GFER: variants seen among roughly 807,000 people sequenced by gnomAD.
The protein encoded by GFER is FAD-linked sulfhydryl oxidase ALR.
A neutral mutation model predicts 18.2 loss-of-function variants in GFER; 24 were observed. The observed-to-expected ratio is 1.32, with a 90% CI of 0.96 to 1.86. GFER has a LOEUF of 1.86. GFER is among the 40% of genes most tolerant of loss of function. The pLI, the probability that GFER is intolerant of heterozygous loss-of-function variation, is 0.00. For missense variants in GFER, 316 were observed against 295.6 expected (o/e 1.07, Z -0.51); for synonymous variants, 138 against 126.9 (o/e 1.09, Z -0.59).
At chr16:1,984,517 C>G in intron 1 of GFER, 41 bp downstream of exon 1, 1 of 1,541,100 alleles carries the variant, frequency 6.5e-7, no homozygotes, top group Non-Finnish European at 8.7e-7. Context: ...CCGCGCAGCC[C>G]CTGTCCCCGC....
intron 1 of GFER, 37 bp downstream of exon 1, chr16:1,984,513 A>T (rs2083551637): frequency 6.5e-7 from 1 of 1,545,680 alleles, no homozygotes; most frequent in Non-Finnish European, 8.7e-7. Flanking sequence ...AGCCCCGCGC[A>T]GCCCCTGTCC....
chr16:1,985,717 G>A, intron 2 of GFER, 149 bp from the exon 3 acceptor site: 1 of 799,592 alleles, frequency 1.3e-6, no homozygotes, highest in Non-Finnish European at 2.2e-6. Flanking sequence ...GCCCTGTTCT[G>A]GGAGTGCCTG....
intron 1 of GFER, 29 bp downstream of exon 1, chr16:1,984,505 C>A (rs1370123798): frequency 2.1e-5 from 33 of 1,548,350 alleles, no homozygotes; most frequent in Non-Finnish European, 2.9e-5. Flanking sequence ...TTTCTCCCAG[C>A]CCCGCGCAGC....
At chr16:1,985,844 T>G (rs770615093) in intron 2 of GFER, 22 bp from the exon 3 acceptor site, 1 of 1,608,498 alleles carries the variant, frequency 6.2e-7, no homozygotes, top group East Asian at 2.2e-5. Flanking sequence ...CCTCTCATTC[T>G]TTACCTGCTC....
In GFER at chr16:1,986,430, A is replaced by G. The variant is rs566067616; in HGVS notation, c.*402A>G. The G allele has an allele frequency of 5.7e-6, 2 of 350,498 alleles. No homozygotes were observed. Among genetic ancestry groups the G allele is most frequent in the African/African-American group, 2.1e-5 (1 of 46,852 alleles). The allele number at this position is 350,498 out of a possible 1,614,324, so 21.7% of individuals were successfully genotyped here. A position where few individuals can be genotyped will look rare whatever the true frequency, so the allele number is the denominator to read the frequency against. ...GCGGCCAGGCCATTGCCTTCCCACT[A>G]TGCAGCCAGGGATGCCCCTGCCCCC... On this transcript the variant is annotated 3_prime_UTR_variant, in exon 3 of 3. Coordinates refer to ENST00000248114, the MANE Select transcript of GFER (RefSeq NM_005262.3).
Position 1,984,476 on chromosome 16 carries a change from G to A in GFER, c.258G>A (p.Lys86=). Residue 86 remains lysine, a splice_region_variant and synonymous_variant, in exon 1 of 3, where the codon AAG becomes AAA. Transcript: ENST00000248114. ...AGACGTGGATGCGGACGCAGCAGAAGGTGCAGTTCCCTGCCCGATTTCTCC... is the reference window on the plus strand; with the variant it reads ...AGACGTGGATGCGGACGCAGCAGAAAGTGCAGTTCCCTGCCCGATTTCTCC... ...DFKTWMRTQQ[K]RDTKFREDCP... is the part of the protein sequence containing the mutation. The A allele has an allele frequency of 6.4e-7, 1 of 1,558,602 alleles. No homozygotes were observed. Among genetic ancestry groups the A allele is most frequent in the Non-Finnish European group, 8.6e-7 (1 of 1,156,216 alleles).
In GFER at chr16:1,984,353, C is replaced by T. The variant is rs2083549564; in HGVS notation, c.135C>T (p.Ala45=). The part of the protein sequence containing the change: ...RGRGAGRRDA[A]ASASTPAQAP... ...GGGGCGCGGGGCGGAGAGACGCGGC[C>T]GCCTCGGCCTCGACGCCAGCCCAGG... Residue 45 remains alanine, a synonymous_variant, in exon 1 of 3, where the codon GCC becomes GCT. Transcript: ENST00000248114. The T allele has an allele frequency of 3.3e-6, 5 of 1,510,508 alleles. No homozygotes were observed. Among genetic ancestry groups the T allele is most frequent in the Non-Finnish European group, 4.4e-6 (5 of 1,136,056 alleles). The allele number at this position is 1,510,508 out of a possible 1,614,324, so 93.6% of individuals were successfully genotyped here.
Position 1,984,631 on chromosome 16 carries a change from TC to T in GFER, c.259-115del. ...AGCCTTCATCCGCGCGTGGGTTGGA[TC>T]GTCTGCAGGACTTTGGCCGGAGTCC... On this transcript the variant is annotated intron_variant, in intron 1 of 2. Coordinates refer to ENST00000248114, the MANE Select transcript of GFER (RefSeq NM_005262.3). The T allele has an allele frequency of 2.2e-6, 3 of 1,363,254 alleles. No individual in the cohort carries two copies. In the South Asian group the frequency reaches 3.5e-5, roughly 16 times the overall value. 84.4% of individuals were successfully genotyped at this position (1,363,254 alleles called of 1,614,324 possible).
In GFER at chr16:1,984,251, C is replaced by T; in HGVS notation, c.33C>T (p.His11=). The change falls in exon 1 of 3, where the codon CAC becomes CAT. Residue 11 remains histidine, a synonymous_variant. Coordinates refer to ENST00000248114, the MANE Select transcript of GFER (RefSeq NM_005262.3). ...CGCCCGGCGAGCGGGGCCGCTTCCA[C>T]GGCGGGAACCTCTTCTTCCTGCCGG... MAAPGERGRF[H]GGNLFFLPGG... 6.8e-7 allele frequency: 1 copy of T among 1,475,762 alleles called. No individual in the cohort carries two copies. The highest frequency in any genetic ancestry group is 8.9e-7 in the Non-Finnish European group (1 of 1,120,520). The allele number at this position is 1,475,762 out of a possible 1,614,324, so 91.4% of individuals were successfully genotyped here. A position where few individuals can be genotyped will look rare whatever the true frequency, so the allele number is the denominator to read the frequency against.
Position 1,984,911 on chromosome 16 carries a change from C to G in GFER, c.423C>G (p.Pro141=). 6.2e-7 allele frequency: 1 copy of G among 1,613,612 alleles called. No homozygotes were observed. Among genetic ancestry groups the G allele is most frequent in the Non-Finnish European group, 8.5e-7 (1 of 1,179,860 alleles). ...TACATTTATTTTCTAAGTTTTACCC[C>G]TGTGAGGAGTGTGCTGAAGACCTAA... The part of the protein sequence containing the change: ...QFIHLFSKFY[P]CEECAEDLRK... Residue 141 remains proline, a synonymous_variant, in exon 2 of 3, where the codon CCC becomes CCG. Coordinates refer to ENST00000248114, the MANE Select transcript of GFER (RefSeq NM_005262.3).
rs1204786235 is a variant in GFER at position 1,984,254 on chromosome 16, CG to C, written c.39del (p.Asn14ThrfsTer13). 1 of 1,479,178 alleles carries C rather than the reference CG, an allele frequency of 6.8e-7. No homozygotes were observed. The highest frequency in any genetic ancestry group is 8.9e-7 in the Non-Finnish European group (1 of 1,122,432). 91.6% of individuals were successfully genotyped at this position (1,479,178 alleles called of 1,614,324 possible). Reference protein sequence around the residue: ...APGERGRFHGGNLFFLPGGAR... With the variant: ...APGERGRFHGXNLFFLPGGAR... ...CCGGCGAGCGGGGCCGCTTCCACGGCGGGAACCTCTTCTTCCTGCCGGGGGG... is the reference window on the plus strand; with the variant it reads ...CCGGCGAGCGGGGCCGCTTCCACGGCGGAACCTCTTCTTCCTGCCGGGGGG... On this transcript the variant is annotated frameshift_variant, in exon 1 of 3. Transcript: ENST00000248114. LOFTEE classifies it high-confidence loss of function.
In GFER at chr16:1,985,911, A is replaced by C; in HGVS notation, c.501A>C (p.Thr167=). The C allele has an allele frequency of 6.2e-7, 1 of 1,613,038 alleles. No homozygotes were observed. The highest frequency in any genetic ancestry group is 8.5e-7 in the Non-Finnish European group (1 of 1,179,988). ...HPDTRTRACF[T]QWLCHLHNEV... The stretch of plus-strand genomic sequence containing the variant: ...ACACCCGCACCCGGGCATGCTTCAC[A>C]CAGTGGCTGTGCCACCTGCACAATG... Residue 167 remains threonine, a synonymous_variant, in exon 3 of 3, where the codon ACA becomes ACC. Transcript: ENST00000248114.
Position 1,987,344 on chromosome 16 carries a change from T to C in GFER, c.*1316T>C, listed in dbSNP as rs1196430669. On this transcript the variant is annotated 3_prime_UTR_variant, in exon 3 of 3. Coordinates refer to ENST00000248114, the MANE Select transcript of GFER (RefSeq NM_005262.3). ...TCCAGGGACCTCTATCCTCCAGGAG[T>C]CTCAGCCTTTCCCTGGGCGCAGGCC... is the stretch of plus-strand genomic sequence containing the variant. 6.6e-6 allele frequency: 1 copy of C among 152,204 alleles called. No homozygotes were observed. Among genetic ancestry groups the C allele is most frequent in the African/African-American group, 2.4e-5 (1 of 41,366 alleles). The allele number at this position is 152,204 out of a possible 1,614,324, so 9.4% of individuals were successfully genotyped here.
rs2083573433 is a variant in GFER, at chr16:1,987,561, G to C, written c.*1533G>C. 1 of 152,164 alleles carries C rather than the reference G, an allele frequency of 6.6e-6. No homozygotes were observed. The highest frequency in any genetic ancestry group is 1.9e-4 in the East Asian group (1 of 5,188). The allele number at this position is 152,164 out of a possible 1,614,324, so 9.4% of individuals were successfully genotyped here. A position where few individuals can be genotyped will look rare whatever the true frequency, so the allele number is the denominator to read the frequency against. On this transcript the variant is annotated 3_prime_UTR_variant, in exon 3 of 3. Coordinates refer to ENST00000248114, the MANE Select transcript of GFER (RefSeq NM_005262.3). ...GCCCAGACACAGCGCGCTTCTCTCT[G>C]GCCTTTCCCGAGGCCTGTGAGTGCC... is the stretch of plus-strand genomic sequence containing the variant.
rs2083566800 is a variant in GFER, at chr16:1,986,194, A to G, written c.*166A>G. 2.7e-6 allele frequency: 2 copies of G among 729,978 alleles called. No homozygotes were observed. The highest frequency in any genetic ancestry group is 5.5e-5 in the East Asian group (2 of 36,674). The allele number at this position is 729,978 out of a possible 1,614,324, so 45.2% of individuals were successfully genotyped here. ...CTGCCCCTCTTAGGTTTGGAGCAGA[A>G]GTGGAGGTGCCCACAGCAGGTACCC... On this transcript the variant is annotated 3_prime_UTR_variant, in exon 3 of 3. Coordinates refer to ENST00000248114, the MANE Select transcript of GFER (RefSeq NM_005262.3).
chr16:1,984,719 C>T (rs770846566), intron 1 of GFER, 28 bp from the exon 2 acceptor site: 12 of 1,586,488 alleles, frequency 7.6e-6, no homozygotes, highest in Non-Finnish European at 1.0e-5. Context: ...GGAGAATGAA[C>T]TCACTCTCGG....
rs2083567487 is a variant in GFER, at chr16:1,986,334, C to T, written c.*306C>T. On this transcript the variant is annotated 3_prime_UTR_variant, in exon 3 of 3. Coordinates refer to ENST00000248114, the MANE Select transcript of GFER (RefSeq NM_005262.3). ...TCAGGATGTAGCTTCCTGCCCACCGCATACCCTGGCGCCTCACTCCTCACA... is the reference window on the plus strand; with the variant it reads ...TCAGGATGTAGCTTCCTGCCCACCGTATACCCTGGCGCCTCACTCCTCACA... The T allele has an allele frequency of 9.5e-6, 4 of 420,624 alleles. No individual in the cohort carries two copies. In the East Asian group the frequency reaches 2.0e-4, roughly 21 times the overall value. 26.1% of individuals were successfully genotyped at this position (420,624 alleles called of 1,614,324 possible).
At position 1,984,957 on chromosome 16, in the gene GFER, G is replaced by C; in HGVS notation, c.455+14G>C. 1.9e-6 allele frequency: 3 copies of C among 1,593,930 alleles called. No individual in the cohort carries two copies. Among genetic ancestry groups the C allele is most frequent in the Non-Finnish European group, 2.6e-6 (3 of 1,162,474 alleles). On this transcript the variant is annotated intron_variant, in intron 2 of 2. Transcript: ENST00000248114. ...CCTAAGAAAAAGGTAAGATGTGTTT[G>C]CACGCAGCAGAGCTTTGCACTGGAG...
chr16:1,986,456 C>T lies in GFER; in HGVS notation c.*428C>T, dbSNP rs376238901. On this transcript the variant is annotated 3_prime_UTR_variant, in exon 3 of 3. Transcript: ENST00000248114. ...TGCAGCCAGGGATGCCCCTGCCCCC[C>T]ATGGCTCTGTGCTGCTCACTTTAGG... is the stretch of plus-strand genomic sequence containing the variant. 2.9e-6 allele frequency: 1 copy of T among 345,976 alleles called. No individual in the cohort carries two copies. Among genetic ancestry groups the T allele is most frequent in the Non-Finnish European group, 5.7e-6 (1 of 175,864 alleles). The allele number at this position is 345,976 out of a possible 1,614,324, so 21.4% of individuals were successfully genotyped here. A position where few individuals can be genotyped will look rare whatever the true frequency, so the allele number is the denominator to read the frequency against.
Sources: allele counts gnomAD v4.1 joint callset, GRCh38; gene constraint gnomAD v4.1.1; transcripts MANE v1.5; gene names NCBI Gene and HGNC (gene_info 2026-07-23, HGNC 2026-07-21).